Variants in PDS5A observed in about 807,000 individuals in gnomAD.
PDS5A encodes PDS5 cohesin associated factor A.
In PDS5A, 42 loss-of-function variants were observed where a neutral mutation model predicts 167.1. The ratio of observed to expected loss-of-function variants is 0.25; its 90% CI spans 0.20 to 0.33. The LOEUF (loss-of-function observed/expected upper bound fraction) is 0.33, where lower values mean the gene tolerates loss of function less well. Ranked by LOEUF, PDS5A falls within the 10% of genes least tolerant of loss-of-function variation. The pLI, the probability that PDS5A is intolerant of heterozygous loss-of-function variation, is 1.00. For synonymous variants in PDS5A, 553 were observed against 554.6 expected (o/e 1.00, Z 0.04); for missense variants, 1,033 against 1,605.9 (o/e 0.64, Z 6.10).
chr4:39,912,677 G>A (rs1175397466), intron 9 of PDS5A, among the ~76,000 whole-genome samples: 1 of 152,140 alleles, frequency 6.6e-6, no homozygotes, highest in Non-Finnish European at 1.5e-5. Context: ...AACATCTCCA[G>A]AATATTAATA....
At position 39,976,517 on chromosome 4, in the gene PDS5A, C is replaced by T. The variant is rs1176786048; in HGVS notation, c.61G>A (p.Gly21Arg). ...TALCGVVSAD[G>R]KIAYPPGVKE... is the part of the protein sequence containing the mutation. ...ACCCCCGGAGGGTAAGCGATCTTCCCGTCGGCACTCACGACGCCACAGAGG... is the reference window on the plus strand; with the variant it reads ...ACCCCCGGAGGGTAAGCGATCTTCCTGTCGGCACTCACGACGCCACAGAGG... Residue 21 changes from glycine to arginine, a missense_variant, in exon 2 of 33, where the codon GGG (glycine) becomes AGG (arginine). Gly to Arg is a moderately radical substitution (Grantham distance 125). Around this residue, in one of 4 missense-constraint regions of PDS5A, gnomAD observed 388 missense variants for 615.1 expected, o/e 0.63. Transcript: ENST00000303538. 1.2e-5 allele frequency: 19 copies of T among 1,613,368 alleles called. No homozygotes were observed. The highest frequency in any genetic ancestry group is 1.5e-5 in the Non-Finnish European group (18 of 1,179,510).
Position 39,825,425 on chromosome 4 carries a change from T to C in PDS5A, c.*60A>G. Reference sequence around the variant, plus strand: ...CAGGGACATTTGTGAATCCAAGTTTTTGCAGAAGCTGGAGCCTGCTTCTGT... The same window carrying C: ...CAGGGACATTTGTGAATCCAAGTTTCTGCAGAAGCTGGAGCCTGCTTCTGT... On this transcript the variant is annotated 3_prime_UTR_variant, in exon 33 of 33. Coordinates refer to ENST00000303538, the MANE Select transcript of PDS5A (RefSeq NM_001100399.2). 6.8e-7 allele frequency: 1 copy of C among 1,471,462 alleles called. No homozygotes were observed. Among genetic ancestry groups the C allele is most frequent in the African/African-American group, 1.4e-5 (1 of 71,274 alleles). The allele number at this position is 1,471,462 out of a possible 1,614,324, so 91.2% of individuals were successfully genotyped here. A position where few individuals can be genotyped will look rare whatever the true frequency, so the allele number is the denominator to read the frequency against.
intron 2 of PDS5A, among the ~76,000 whole-genome samples, chr4:39,957,453 A>G (rs899481306): frequency 2.6e-5 from 4 of 152,194 alleles, no homozygotes; most frequent in African/African-American, 9.6e-5. Flanking sequence ...TCAGATGACT[A>G]TAATCTCAGC....
At chr4:39,953,868 A>G (rs1447629468) in intron 2 of PDS5A, among the ~76,000 whole-genome samples, 1 of 152,202 alleles carries the variant, frequency 6.6e-6, no homozygotes, top group Admixed American at 6.5e-5. Flanking sequence ...CCTATTGTGA[A>G]CTGACACCAC....
chr4:39,953,428 T>G (rs977759249), intron 2 of PDS5A, among the ~76,000 whole-genome samples: 3 of 151,980 alleles, frequency 2.0e-5, no homozygotes, highest in African/African-American at 7.3e-5. Context: ...ATCAGTTTTT[T>G]TTTTTTTTTT....
chr4:39,844,553 C>A, intron 30 of PDS5A, 103 bp downstream of exon 30: 9 of 745,082 alleles, frequency 1.2e-5, no homozygotes, highest in South Asian at 2.3e-5. Flanking sequence ...TGTACCAGAA[C>A]ACCGCTAATG....
At position 39,890,292 on chromosome 4, in the gene PDS5A, A is replaced by G. The variant is rs779696739; in HGVS notation, c.1843T>C (p.Leu615=). The change falls in exon 17 of 33, where the codon TTG becomes CTG. Residue 615 remains leucine, a synonymous_variant. Transcript: ENST00000303538. ...ATGTGCACAGGTGCGATTCTTTCCA[A>G]CAGAAATTTGACCATCTCTAGAAAA... ...NPFLEMVKFL[L]ERIAPVHIDS... 2.7e-5 allele frequency: 43 copies of G among 1,582,984 alleles called. No individual in the cohort carries two copies. In the South Asian group the frequency reaches 4.6e-4, roughly 17 times the overall value.
At chr4:39,926,101 T>C (rs1023131420) in intron 4 of PDS5A, among the ~76,000 whole-genome samples, 168 bp from the exon 5 acceptor site, 1 of 152,108 alleles carries the variant, frequency 6.6e-6, no homozygotes, top group African/African-American at 2.4e-5. Flanking sequence ...TTGAAAAAGA[T>C]ATATACCTGA....
intron 11 of PDS5A, among the ~76,000 whole-genome samples, chr4:39,908,073 G>A (rs1723553059): frequency 6.6e-6 from 1 of 152,090 alleles, no homozygotes; most frequent in Non-Finnish European, 1.5e-5. Context: ...TTAACTATAA[G>A]AATAGACGAT....
At chr4:39,894,241 C>T (rs1722206796) in intron 16 of PDS5A, among the ~76,000 whole-genome samples, 1 of 151,994 alleles carries the variant, frequency 6.6e-6, no homozygotes, top group African/African-American at 2.4e-5. Context: ...AATCTCATCT[C>T]TACTAAAAAT....
chr4:39,938,675 A>C (rs954713636), intron 2 of PDS5A, among the ~76,000 whole-genome samples: 1 of 152,066 alleles, frequency 6.6e-6, no homozygotes, highest in Admixed American at 6.6e-5. Context: ...GTATAATGAA[A>C]TACTATATAA....
chr4:39,950,004 T>C (rs1305062885), intron 2 of PDS5A, among the ~76,000 whole-genome samples: 1 of 151,782 alleles, frequency 6.6e-6, no homozygotes, highest in East Asian at 2.0e-4. Flanking sequence ...CTCCCGAGTT[T>C]AAGTGATTCT....
At chr4:39,848,513 C>G (rs1717842876) in intron 28 of PDS5A, 1 of 237,794 alleles carries the variant, frequency 4.2e-6, no homozygotes, top group Admixed American at 5.2e-5. Context: ...GAGGAGAGAA[C>G]CTGTCCCTCC....
rs910667601 is a variant in PDS5A, at chr4:39,977,650, G to A, written c.-234C>T. ...GAGCAGCCGCCGCGGGGGGAGACGC[G>A]GGGCGAGTGAGCGCTGGGCGGGGAG... On this transcript the variant is annotated 5_prime_UTR_variant, in exon 1 of 33. Transcript: ENST00000303538. The surrounding 1 kb of genome is among the most constrained non-coding windows in gnomAD (Gnocchi z 4.2). The A allele has an allele frequency of 2.0e-5, 3 of 151,954 alleles. No homozygotes were observed. Among genetic ancestry groups the A allele is most frequent in the Non-Finnish European group, 4.4e-5 (3 of 68,356 alleles). 9.4% of individuals were successfully genotyped at this position (151,954 alleles called of 1,614,324 possible).
At chr4:39,842,156 T>C in intron 30 of PDS5A, 100 bp from the exon 31 acceptor site, 1 of 694,330 alleles carries the variant, frequency 1.4e-6, no homozygotes, top group East Asian at 2.6e-5. Flanking sequence ...TTTCGAAACC[T>C]TGACAATTGA....
intron 17 of PDS5A, among the ~76,000 whole-genome samples, chr4:39,883,568 G>A (rs184955636): frequency 2.0e-5 from 3 of 152,218 alleles, no homozygotes; most frequent in South Asian, 2.1e-4. Context: ...AGCTTACTCC[G>A]TTTCCATCAT....
intron 21 of PDS5A, among the ~76,000 whole-genome samples, chr4:39,870,194 C>T (rs1471919729): frequency 6.6e-6 from 1 of 152,056 alleles, no homozygotes; most frequent in Non-Finnish European, 1.5e-5. Context: ...ATTGTTAATA[C>T]ATATAAGAAT....
At chr4:39,905,767 T>C (rs1389604324) in intron 11 of PDS5A, among the ~76,000 whole-genome samples, 8 of 149,098 alleles carry the variant, frequency 5.4e-5, no homozygotes, top group Admixed American at 1.3e-4. Context: ...TAAGACTCAA[T>C]GCCTCTGACG....
At chr4:39,976,332 A>G (rs1731077264) in intron 2 of PDS5A, 108 bp downstream of exon 2, 2 of 792,880 alleles carry the variant, frequency 2.5e-6, no homozygotes, top group Non-Finnish European at 2.0e-6. Flanking sequence ...CAGAGGGGGT[A>G]AGAGATCTAA....
Sources: allele counts gnomAD v4.1 joint callset (sites outside exome capture counted in the v4.1 genomes callset), GRCh38; gene constraint gnomAD v4.1.1; regional missense constraint gnomAD v4.1.1; non-coding constraint Gnocchi (gnomAD v3.1); transcripts MANE v1.5; gene names NCBI Gene and HGNC (gene_info 2026-07-23, HGNC 2026-07-21).